XRCC4: variants seen among roughly 807,000 people sequenced by gnomAD.
XRCC4 encodes the protein DNA repair protein XRCC4.
A neutral mutation model predicts 39.1 loss-of-function variants in XRCC4; 28 were observed. The ratio of observed to expected loss-of-function variants is 0.72; its 90% CI spans 0.53 to 0.98. The LOEUF (loss-of-function observed/expected upper bound fraction) is 0.98, where lower values mean the gene tolerates loss of function less well. XRCC4 is among the 50% of genes least tolerant of loss of function. XRCC4 has a pLI of 0.00. For synonymous variants in XRCC4, 123 were observed against 126.4 expected (o/e 0.97, Z 0.18); for missense variants, 350 against 376.4 (o/e 0.93, Z 0.58).
At chr5:83,156,438 AAGTC>A (rs1180173862) in intron 3 of XRCC4, among the ~76,000 whole-genome samples, 2 of 152,030 alleles carry the variant, frequency 1.3e-5, no homozygotes, top group African/African-American at 4.8e-5. Context: ...GGGAGAGAGA[AAGTC>A]AAATAAAATA....
chr5:83,252,582 AC>A (rs1305219260), intron 6 of XRCC4, among the ~76,000 whole-genome samples: 1 of 151,954 alleles, frequency 6.6e-6, no homozygotes, highest in Non-Finnish European at 1.5e-5. Context: ...TATTTCTGAT[AC>A]TTTTTTATTT....
rs138837678 is a variant in XRCC4, at chr5:83,258,665, A to C, written c.881A>C (p.Gln294Pro). 10 of 1,610,452 alleles carry C rather than the reference A, an allele frequency of 6.2e-6. No individual in the cohort carries two copies. The highest frequency in any genetic ancestry group is 6.8e-6 in the Non-Finnish European group (8 of 1,178,684). The stretch of plus-strand genomic sequence containing the variant: ...ATGGCTCCTCAGGAGAATCAGCTTC[A>C]AGAAAAGGAAAAGTAAGTCATTTTA... ...PKMAPQENQL[Q>P]EKEKPDSSLP... The change falls in exon 7 of 8, where the codon CAA (glutamine) becomes CCA (proline). Residue 294 changes from glutamine (Q) to proline (P), a missense_variant. By Grantham distance (76) the Gln-to-Pro change is moderately conservative. Coordinates refer to ENST00000396027, the MANE Select transcript of XRCC4 (RefSeq NM_003401.5).
chr5:83,180,671 G>A (rs531020275), intron 3 of XRCC4, among the ~76,000 whole-genome samples: 45 of 152,130 alleles, frequency 3.0e-4, no homozygotes, highest in Non-Finnish European at 6.0e-4. Context: ...ATAATTTTGC[G>A]TTTGGCATAA....
At chr5:83,315,612 G>T (rs1205937449) in intron 7 of XRCC4, among the ~76,000 whole-genome samples, 1 of 152,080 alleles carries the variant, frequency 6.6e-6, no homozygotes, top group African/African-American at 2.4e-5. Context: ...AAATCCTAGG[G>T]CCCTTCAGAA....
chr5:83,337,749 T>G (rs1277751990), intron 7 of XRCC4, among the ~76,000 whole-genome samples: 1 of 152,138 alleles, frequency 6.6e-6, no homozygotes, highest in Non-Finnish European at 1.5e-5. Context: ...GCCACTAAGT[T>G]TGGAGTGGTT....
chr5:83,303,212 C>CA (rs760220069), intron 7 of XRCC4, among the ~76,000 whole-genome samples: 3,404 of 61,842 alleles, frequency 0.055, 113 homozygotes, highest in South Asian at 0.079. Flanking sequence ...GACTCCGTCT[C>CA]AAAAAAAAAA....
chr5:83,183,412 TTGTG>T (rs369446374), intron 3 of XRCC4, among the ~76,000 whole-genome samples: 41,992 of 139,150 alleles, frequency 0.3, 6,407 homozygotes, highest in Non-Finnish European at 0.35. Flanking sequence ...TTTCATTTAT[TTGTG>T]TGTGTGTGTG....
At chr5:83,108,645 T>A (rs1298803285) in intron 2 of XRCC4, among the ~76,000 whole-genome samples, 2 of 151,852 alleles carry the variant, frequency 1.3e-5, no homozygotes, top group African/African-American at 2.4e-5. Context: ...AGATGCTTTT[T>A]AAATAGATGT....
At chr5:83,135,681 G>A (rs892410780) in intron 3 of XRCC4, among the ~76,000 whole-genome samples, 2 of 151,548 alleles carry the variant, frequency 1.3e-5, no homozygotes, top group African/African-American at 2.4e-5. Flanking sequence ...CTTTACATTC[G>A]CTAATCTTTT....
intron 3 of XRCC4, among the ~76,000 whole-genome samples, chr5:83,170,472 T>C (rs775832009): frequency 6.6e-6 from 1 of 152,172 alleles, no homozygotes; most frequent in Non-Finnish European, 1.5e-5. Context: ...CTCACAAGGC[T>C]GAAATCAAAG....
At chr5:83,169,327 C>T (rs187002822) in intron 3 of XRCC4, among the ~76,000 whole-genome samples, 1 of 152,000 alleles carries the variant, frequency 6.6e-6, no homozygotes, top group Non-Finnish European at 1.5e-5. Flanking sequence ...AAAATATATG[C>T]TGATTGGACA....
chr5:83,350,870 G>C (rs1244262517), intron 7 of XRCC4, among the ~76,000 whole-genome samples: 1 of 152,024 alleles, frequency 6.6e-6, no homozygotes, highest in Non-Finnish European at 1.5e-5. Flanking sequence ...TATTTCCTAG[G>C]TTTTCTTCTA....
At chr5:83,242,591 G>A (rs919565906) in intron 6 of XRCC4, among the ~76,000 whole-genome samples, 3 of 152,004 alleles carry the variant, frequency 2.0e-5, no homozygotes, top group African/African-American at 7.2e-5. Context: ...TTGGTCTACA[G>A]GTGTGCGCCA....
intron 6 of XRCC4, among the ~76,000 whole-genome samples, chr5:83,207,167 A>G (rs1439108225): frequency 6.6e-6 from 1 of 152,166 alleles, no homozygotes; most frequent in East Asian, 1.9e-4. Flanking sequence ...ATTTTTATTA[A>G]ATACAATGAC....
chr5:83,104,946 C>A lies in XRCC4; in HGVS notation c.27C>A (p.His9Gln), dbSNP rs1252823908. The change falls in exon 2 of 8, where the codon CAC (histidine) becomes CAA (glutamine). Residue 9 changes from histidine (H) to glutamine (Q), a missense_variant. Coordinates refer to ENST00000396027, the MANE Select transcript of XRCC4 (RefSeq NM_003401.5). ...TGGAGAGAAAAATAAGCAGAATCCA[C>A]CTTGTTTCTGAACCCAGTATAACTC... MERKISRI[H>Q]LVSEPSITHF... 6.2e-7 allele frequency: 1 copy of A among 1,613,196 alleles called. No homozygotes were observed. Among genetic ancestry groups the A allele is most frequent in the Non-Finnish European group, 8.5e-7 (1 of 1,179,566 alleles).
chr5:83,080,076 C>T (rs1744866803), intron 1 of XRCC4, among the ~76,000 whole-genome samples: 1 of 152,082 alleles, frequency 6.6e-6, no homozygotes, highest in Non-Finnish European at 1.5e-5. Context: ...ATGGCTTTGT[C>T]TTTGCTAAAT....
chr5:83,176,992 T>C lies in XRCC4; in HGVS notation c.316-18778T>C, dbSNP rs564021921. Among the ~76,000 whole-genome samples the C allele has an allele frequency of 5.9e-5, 9 of 152,306 alleles. No individual in the cohort carries two copies. The South Asian group carries it at 1.9e-3, about 32-fold the overall frequency. The stretch of plus-strand genomic sequence containing the variant: ...ATTTTTAGATAAAATTATTAAAATA[T>C]TTGTTTCTTAATATTATAAATAAAG... On this transcript the variant is annotated intron_variant, in intron 3 of 7. Coordinates refer to ENST00000396027, the MANE Select transcript of XRCC4 (RefSeq NM_003401.5).
intron 7 of XRCC4, 148 bp downstream of exon 7, chr5:83,258,825 G>A (rs2112897018): frequency 2.0e-6 from 2 of 985,106 alleles, no homozygotes; most frequent in Non-Finnish European, 2.9e-6. Context: ...TTGAATCAAT[G>A]TATTGTTTCA....
chr5:83,214,314 T>C (rs1405400698), intron 6 of XRCC4, among the ~76,000 whole-genome samples: 2 of 152,154 alleles, frequency 1.3e-5, no homozygotes, highest in Non-Finnish European at 2.9e-5. Flanking sequence ...CGGAATTCAC[T>C]AAAAAACTCT....
Sources: gnomAD v4.1 joint callset for allele counts (sites outside exome capture counted in the v4.1 genomes callset) on GRCh38, gnomAD v4.1.1 for gene constraint, MANE v1.5 for transcripts, NCBI Gene and HGNC (gene_info 2026-07-23, HGNC 2026-07-21) for gene names.